ARHGEF18: variants seen among roughly 807,000 people sequenced by gnomAD.
ARHGEF18 encodes the protein rho guanine nucleotide exchange factor 18.
Under a neutral mutation model 155.7 loss-of-function variants are expected in ARHGEF18, and 93 were observed. The observed-to-expected ratio is 0.60, with a 90% confidence interval of 0.50 to 0.71. The LOEUF is 0.71. ARHGEF18 is among the 30% of genes least tolerant of loss of function. The pLI, the probability that ARHGEF18 is intolerant of heterozygous loss-of-function variation, is 0.00. For synonymous variants in ARHGEF18, 742 were observed against 753.1 expected (o/e 0.99, Z 0.24); for missense variants, 1,593 against 1,816.1 (o/e 0.88, Z 2.23).
intron 1 of ARHGEF18, among the ~76,000 whole-genome samples, chr19:7,362,047 G>GGAGA (rs1969597742): frequency 2.2e-5 from 1 of 45,788 alleles, no homozygotes; most frequent in South Asian, 7.9e-4. Flanking sequence ...GAAGGAGAAG[G>GGAGA]AGAAGGAGAA....
chr19:7,386,607 G>C (rs1294831210), intron 10 of ARHGEF18, among the ~76,000 whole-genome samples: 1 of 152,080 alleles, frequency 6.6e-6, no homozygotes, highest in African/African-American at 2.4e-5. Flanking sequence ...CCAGGTCGTA[G>C]GTGGAAAGGT....
intron 10 of ARHGEF18, among the ~76,000 whole-genome samples, chr19:7,398,841 C>T (rs1323056541): frequency 1.3e-5 from 2 of 152,198 alleles, no homozygotes; most frequent in African/African-American, 4.8e-5. Flanking sequence ...AATTTTCATT[C>T]TTGTCACACA....
chr19:7,368,917 G>A (rs1970064694), intron 2 of ARHGEF18, among the ~76,000 whole-genome samples: 1 of 150,064 alleles, frequency 6.7e-6, no homozygotes, highest in Non-Finnish European at 1.5e-5. Context: ...GGCAGAGGGA[G>A]GAAGAGGACG....
intron 13 of ARHGEF18, among the ~76,000 whole-genome samples, chr19:7,442,498 C>A (rs7247211): frequency 6.6e-6 from 1 of 152,012 alleles, no homozygotes; most frequent in African/African-American, 2.4e-5. Flanking sequence ...GCCTCCCAAA[C>A]TATTGGGATT....
At chr19:7,457,206 G>A (rs2145860533) in intron 18 of ARHGEF18, among the ~76,000 whole-genome samples, 1 of 152,190 alleles carries the variant, frequency 6.6e-6, no homozygotes, top group Middle Eastern at 3.4e-3. Flanking sequence ...TTGGCTTGTA[G>A]GCAGCCATGT....
chr19:7,434,212 C>T (rs1349995537), intron 10 of ARHGEF18, among the ~76,000 whole-genome samples: 1 of 151,886 alleles, frequency 6.6e-6, no homozygotes, highest in African/African-American at 2.4e-5. Context: ...TGGTCTCGAA[C>T]ACCTAGCCTC....
At chr19:7,416,211 G>C (rs888021844) in intron 10 of ARHGEF18, among the ~76,000 whole-genome samples, 2 of 151,078 alleles carry the variant, frequency 1.3e-5, no homozygotes, top group African/African-American at 2.4e-5. Context: ...CAGCCAGCCT[G>C]GGCAACATAG....
At chr19:7,449,688 T>G (rs1986542962) in intron 15 of ARHGEF18, among the ~76,000 whole-genome samples, 1 of 152,020 alleles carries the variant, frequency 6.6e-6, no homozygotes, top group Non-Finnish European at 1.5e-5. Flanking sequence ...TTTATTTTAT[T>G]TTTTTAGAGT....
rs576845619 is a variant in ARHGEF18 at position 7,447,159 on chromosome 19, C to T, written c.1728C>T (p.Asn576=). 3.0e-5 allele frequency: 48 copies of T among 1,611,298 alleles called. No homozygotes were observed. The African/African-American group carries it at 5.9e-4, about 20-fold the overall frequency. Residue 576 remains asparagine, a synonymous_variant, in exon 15 of 29, where the codon AAC becomes AAT. Transcript: ENST00000668164. ...LLLQQNKKFQ[N]LIKKIGNFSI... is the part of the protein sequence containing the mutation. The stretch of plus-strand genomic sequence containing the variant: ...TTCAGCAAAACAAGAAATTTCAAAA[C>T]TTGATCAAGGTAAAAACAATTTTTT...
At position 7,464,630 on chromosome 19, in the gene ARHGEF18, C is replaced by T. The variant is rs142250620; in HGVS notation, c.2844C>T (p.Ser948=). ...RPRDWRGPPN[S]PDLKLSDSDI... ...GAGACTGGCGAGGCCCCCCAAACAG[C>T]CCGGACTTGAAGCTCAGTGACAGTG... is the stretch of plus-strand genomic sequence containing the variant. The change falls in exon 23 of 29, where the codon AGC becomes AGT. Residue 948 remains serine, a synonymous_variant. Coordinates refer to ENST00000668164, the MANE Select transcript of ARHGEF18 (RefSeq NM_001367823.1). 3.4e-4 allele frequency: 556 copies of T among 1,613,990 alleles called. 3 individuals are homozygous for T. The Middle Eastern group carries it at 5.1e-3, about 15-fold the overall frequency.
intron 10 of ARHGEF18, among the ~76,000 whole-genome samples, chr19:7,426,567 G>A (rs932773657): frequency 1.3e-5 from 2 of 151,724 alleles, no homozygotes; most frequent in East Asian, 1.9e-4. Context: ...CCTAATCGAC[G>A]TCTAGTGATT....
intron 2 of ARHGEF18, 109 bp downstream of exon 2, chr19:7,363,014 G>T (rs1458044411): frequency 1.7e-6 from 2 of 1,186,172 alleles, no homozygotes; most frequent in East Asian, 6.4e-5. Flanking sequence ...ATTATCTCAG[G>T]GAATCCTCAT....
At chr19:7,435,678 C>T (rs58176675) in intron 10 of ARHGEF18, among the ~76,000 whole-genome samples, 61,194 of 151,870 alleles carry the variant, frequency 0.4, 12,972 homozygotes, top group East Asian at 0.6. Context: ...GTCAGCAAAG[C>T]CCCAAGATGT....
intron 14 of ARHGEF18, 49 bp from the exon 15 acceptor site, chr19:7,446,994 T>C: frequency 6.2e-7 from 1 of 1,600,118 alleles, no homozygotes. Context: ...GAAAATACTC[T>C]TTGGCAGTTT....
intron 10 of ARHGEF18, among the ~76,000 whole-genome samples, chr19:7,433,210 T>C (rs1974061847): frequency 2.7e-5 from 4 of 150,828 alleles, no homozygotes; most frequent in Admixed American, 2.6e-4. Context: ...CTCACACCTG[T>C]AATCCCAGCA....
chr19:7,358,232 T>TCCATCCATCCATCCAC (rs1186620040), intron 1 of ARHGEF18, among the ~76,000 whole-genome samples: 1 of 147,608 alleles, frequency 6.8e-6, no homozygotes, highest in South Asian at 2.1e-4. Context: ...CATCCATCCA[T>TCCATCCATCCATCCAC]CCATCCATCC....
In ARHGEF18 at chr19:7,470,949, C is replaced by A; in HGVS notation, c.*651C>A. The A allele has an allele frequency of 2.5e-6, 1 of 400,578 alleles. No homozygotes were observed. Among genetic ancestry groups the A allele is most frequent in the Non-Finnish European group, 4.4e-6 (1 of 225,942 alleles). 24.8% of individuals were successfully genotyped at this position (400,578 alleles called of 1,614,324 possible). A position where few individuals can be genotyped will look rare whatever the true frequency, so the allele number is the denominator to read the frequency against. On this transcript the variant is annotated 3_prime_UTR_variant, in exon 29 of 29. Coordinates refer to ENST00000668164, the MANE Select transcript of ARHGEF18 (RefSeq NM_001367823.1). The surrounding 1 kb of genome is among the most constrained non-coding windows in gnomAD (Gnocchi z 5.9). ...CCACTGAGGGAACATCAGTGGCCCT[C>A]CAGTCAGGTTCTGTGGGTTTGGAAG...
At chr19:7,448,343 C>T (rs970112113) in intron 15 of ARHGEF18, among the ~76,000 whole-genome samples, 4 of 152,152 alleles carry the variant, frequency 2.6e-5, no homozygotes, top group Non-Finnish European at 4.4e-5. Context: ...GGCGAAACCC[C>T]GTCTTTACTA....
chr19:7,421,293 T>C (rs115748054), intron 10 of ARHGEF18, among the ~76,000 whole-genome samples: 2,673 of 152,230 alleles, frequency 0.018, 51 homozygotes, highest in African/African-American at 0.058. Flanking sequence ...TTTCAGTCAA[T>C]ACAGTCAGCC....
Sources: gnomAD v4.1 joint callset for allele counts (sites outside exome capture counted in the v4.1 genomes callset) on GRCh38, gnomAD v4.1.1 for gene constraint, Gnocchi (gnomAD v3.1) non-coding constraint, MANE v1.5 for transcripts, NCBI Gene and HGNC (gene_info 2026-07-23, HGNC 2026-07-21) for gene names.